The following AMD1 variants were observed in gnomAD, a reference collection of about 807,000 sequenced individuals.
AMD1 encodes the protein S-adenosylmethionine decarboxylase proenzyme.
A neutral mutation model predicts 40.2 loss-of-function variants in AMD1; 11 were observed. The ratio of observed to expected loss-of-function variants is 0.27; its 90% CI spans 0.17 to 0.45. AMD1 has a LOEUF of 0.45. Among genes scored for constraint, AMD1 ranks in the 20% least tolerant of loss-of-function variants. The probability of loss-of-function intolerance (pLI) is 1.00; values close to 1 mark genes in which losing one functional copy is unlikely to be tolerated. For synonymous variants in AMD1, 121 were observed against 130.8 expected, an observed-to-expected ratio of 0.93 and a Z score of 0.51; for missense variants, 257 against 410.2, an observed-to-expected ratio of 0.63 and a Z score of 3.23.
chr6:110,893,597 A>G lies in AMD1; in HGVS notation c.986A>G (p.Gln329Arg). ...NFVFTSFAKK[Q>R]QQQQS ...GTTTTTACCAGTTTTGCTAAGAAGC[A>G]GCAACAACAGCAGAGTTGATTAAGA... is the stretch of plus-strand genomic sequence containing the variant. Residue 329 changes from glutamine to arginine, a missense_variant, in exon 9 of 9, where the codon CAG becomes CGG. By Grantham distance (43) the Gln-to-Arg change is conservative. This residue lies in a region of AMD1 where 192 missense variants were observed against 296.5 expected (regional missense o/e 0.65). Transcript: ENST00000368885. The G allele has an allele frequency of 6.2e-7, 1 of 1,613,822 alleles. No homozygotes were observed. Among genetic ancestry groups the G allele is most frequent in the East Asian group, 2.2e-5 (1 of 44,886 alleles).
the AMD1 span, among the ~76,000 whole-genome samples, chr6:110,834,946 CA>C: frequency 0.16 from 19,722 of 120,358 alleles, 1,536 homozygotes; most frequent in South Asian, 0.34. Flanking sequence ...AGACTCCATC[CA>C]AAAAAAAAAA....
At chr6:110,873,519 T>C (rs951557485), upstream of AMD1, among the ~76,000 whole-genome samples, 3 of 152,244 alleles carry the variant, frequency 2.0e-5, no homozygotes, top group African/African-American at 7.2e-5. Flanking sequence ...TCTTTTTCAG[T>C]GGATTTTTCA....
chr6:110,832,004 T>G, the AMD1 span, among the ~76,000 whole-genome samples: 4 of 147,614 alleles, frequency 2.7e-5, no homozygotes. Flanking sequence ...CCACTATGCC[T>G]GGCTAATTTT....
chr6:110,817,142 C>T, the AMD1 span, among the ~76,000 whole-genome samples: 3 of 152,154 alleles, frequency 2.0e-5, no homozygotes, highest in Non-Finnish European at 4.4e-5. Flanking sequence ...TAGGACATAA[C>T]ACATTCATTA....
the AMD1 span, among the ~76,000 whole-genome samples, chr6:110,868,448 C>T: frequency 2.6e-4 from 40 of 152,044 alleles, no homozygotes; most frequent in African/African-American, 2.9e-4. Context: ...CGGGCCCGGA[C>T]GTCTTTTCTT....
At chr6:110,827,551 C>T in the AMD1 span, among the ~76,000 whole-genome samples, 1 of 151,850 alleles carries the variant, frequency 6.6e-6, no homozygotes, top group African/African-American at 2.4e-5. Context: ...GATCACCTGG[C>T]GTCAGGAGTT....
At chr6:110,827,460 TAAAGG>T in the AMD1 span, among the ~76,000 whole-genome samples, 3 of 151,914 alleles carry the variant, frequency 2.0e-5, no homozygotes, top group Non-Finnish European at 4.4e-5. Context: ...TTTCTTTCTA[TAAAGG>T]AGAGTCTAAC....
chr6:110,814,924 G>C, the AMD1 span: 34 of 1,568,622 alleles, frequency 2.2e-5, no homozygotes, highest in South Asian at 1.9e-4. Flanking sequence ...GGCACGGCCC[G>C]ACTGGGATCC....
At position 110,875,227 on chromosome 6, in the gene AMD1, G is replaced by T; in HGVS notation, c.110+12G>T. On this transcript the variant is annotated intron_variant, in intron 1 of 8. Coordinates refer to ENST00000368885, the MANE Select transcript of AMD1 (RefSeq NM_001634.6). ...CGCACTATCCCAAGGTGGGTCCCCG[G>T]GGCGCTCGCTGACATCCGGGCCTGG... 1.3e-6 allele frequency: 2 copies of T among 1,591,460 alleles called. No homozygotes were observed. The highest frequency in any genetic ancestry group is 1.7e-6 in the Non-Finnish European group (2 of 1,169,014).
the AMD1 span, among the ~76,000 whole-genome samples, chr6:110,865,262 TA>T: frequency 1.3e-5 from 2 of 152,208 alleles, no homozygotes; most frequent in African/African-American, 4.8e-5. Context: ...TTCAGATGGG[TA>T]GCTGAGGAAC....
At chr6:110,893,238 C>T (rs960290329) in intron 8 of AMD1, among the ~76,000 whole-genome samples, 173 bp downstream of exon 8, 4 of 152,166 alleles carry the variant, frequency 2.6e-5, no homozygotes, top group African/African-American at 9.7e-5. Flanking sequence ...TTCATTAGAC[C>T]TGTGTCAGTC....
At position 110,893,718 on chromosome 6, in the gene AMD1, C is replaced by A; in HGVS notation, c.*102C>A. On this transcript the variant is annotated 3_prime_UTR_variant, in exon 9 of 9. Transcript: ENST00000368885. ...GGGGCAGTGCTTTCCATAACCACCACTGTGTAGTTGCAGAAAGCCCTAGAT... is the reference window on the plus strand; with the variant it reads ...GGGGCAGTGCTTTCCATAACCACCAATGTGTAGTTGCAGAAAGCCCTAGAT... 1.5e-6 allele frequency: 2 copies of A among 1,315,328 alleles called. No homozygotes were observed. The highest frequency in any genetic ancestry group is 2.1e-6 in the Non-Finnish European group (2 of 958,782). The allele number at this position is 1,315,328 out of a possible 1,614,324, so 81.5% of individuals were successfully genotyped here. A position where few individuals can be genotyped will look rare whatever the true frequency, so the allele number is the denominator to read the frequency against.
At chr6:110,858,676 C>T in the AMD1 span, 1 of 1,036,436 alleles carries the variant, frequency 9.6e-7, no homozygotes, top group Non-Finnish European at 1.5e-6. Context: ...GCCTTAAGTA[C>T]TCGGAGAAGC....
At chr6:110,821,471 G>A in the AMD1 span, among the ~76,000 whole-genome samples, 2 of 151,932 alleles carry the variant, frequency 1.3e-5, no homozygotes, top group South Asian at 2.1e-4. Context: ...AAAATTAGCC[G>A]AGTGTGGTGG....
At chr6:110,883,152 A>C in intron 1 of AMD1, among the ~76,000 whole-genome samples, 1 of 152,182 alleles carries the variant, frequency 6.6e-6, no homozygotes, top group Admixed American at 6.5e-5. Context: ...CTGCCATTAC[A>C]GAAGAAGCAT....
chr6:110,876,966 C>A (rs952487371), intron 1 of AMD1, among the ~76,000 whole-genome samples: 1 of 152,182 alleles, frequency 6.6e-6, no homozygotes, highest in African/African-American at 2.4e-5. Context: ...AAGTTCTTGG[C>A]GGTTTGGCTG....
chr6:110,858,506 A>G, the AMD1 span: 1 of 1,553,026 alleles, frequency 6.4e-7, no homozygotes, highest in Non-Finnish European at 8.9e-7. Context: ...AAACCTCTCC[A>G]ATTTCATCAA....
chr6:110,854,144 A>C, the AMD1 span, among the ~76,000 whole-genome samples: 20 of 152,200 alleles, frequency 1.3e-4, no homozygotes, highest in Non-Finnish European at 2.6e-4. Context: ...CTAAAGGATT[A>C]GAATTTATAA....
chr6:110,857,555 G>GATGGTATATATATATAAT, the AMD1 span, among the ~76,000 whole-genome samples: 3 of 147,166 alleles, frequency 2.0e-5, no homozygotes, highest in East Asian at 1.9e-4. Flanking sequence ...TATATATATA[G>GATGGTATATATATATAAT]ATGGTATATA....
Sources: allele counts gnomAD v4.1 joint callset (sites outside exome capture counted in the v4.1 genomes callset), GRCh38; gene constraint gnomAD v4.1.1; regional missense constraint gnomAD v4.1.1; transcripts MANE v1.5; gene names NCBI Gene and HGNC (gene_info 2026-07-23, HGNC 2026-07-21).